The following PDS5A variants were observed in gnomAD, a reference collection of about 807,000 sequenced individuals.
PDS5A encodes sister chromatid cohesion protein PDS5 homolog A.
Under a neutral mutation model 167.1 loss-of-function variants are expected in PDS5A, and 42 were observed. That is an observed-to-expected ratio of 0.25 (90% confidence interval 0.20 to 0.33). The LOEUF (loss-of-function observed/expected upper bound fraction) is 0.33, where lower values mean the gene tolerates loss of function less well. Ranked by LOEUF, PDS5A falls within the 10% of genes least tolerant of loss-of-function variation. The pLI is 1.00. For synonymous variants in PDS5A, 553 were observed against 554.6 expected (o/e 1.00, Z 0.04); for missense variants, 1,033 against 1,605.9 (o/e 0.64, Z 6.10).
intron 2 of PDS5A, among the ~76,000 whole-genome samples, chr4:39,938,979 G>C (rs895812824): frequency 2.0e-5 from 3 of 151,168 alleles, no homozygotes; most frequent in Admixed American, 2.0e-4. Context: ...AAAAAAAAAA[G>C]CAATAATACA....
intron 32 of PDS5A, among the ~76,000 whole-genome samples, chr4:39,826,417 C>T (rs1715318937): frequency 6.6e-6 from 1 of 152,058 alleles, no homozygotes; most frequent in African/African-American, 2.4e-5. Context: ...TTGTCTGTGG[C>T]TGTTCAATTC....
intron 6 of PDS5A, among the ~76,000 whole-genome samples, chr4:39,920,917 A>T (rs542272437): frequency 3.2e-4 from 48 of 152,334 alleles, no homozygotes; most frequent in African/African-American, 1.0e-3. Context: ...CAAGAGTCCC[A>T]ATGTACTCAA....
At chr4:39,916,692 C>T (rs1401490848) in intron 8 of PDS5A, among the ~76,000 whole-genome samples, 1 of 151,876 alleles carries the variant, frequency 6.6e-6, no homozygotes, top group East Asian at 1.9e-4. Flanking sequence ...ATGGAGAATC[C>T]CCATCTCTAC....
chr4:39,839,688 A>G (rs1716769091), intron 31 of PDS5A, among the ~76,000 whole-genome samples: 1 of 146,998 alleles, frequency 6.8e-6, no homozygotes, highest in South Asian at 2.1e-4. Context: ...AATATCTAAA[A>G]TATTTGATGA....
chr4:39,869,299 C>T, intron 22 of PDS5A, 95 bp downstream of exon 22: 1 of 799,378 alleles, frequency 1.3e-6, no homozygotes, highest in South Asian at 1.4e-5. Context: ...AGCAAGATCC[C>T]ATCTCTGTTT....
chr4:39,882,246 A>C (rs1484093564), intron 17 of PDS5A, among the ~76,000 whole-genome samples: 1 of 152,246 alleles, frequency 6.6e-6, no homozygotes, highest in African/African-American at 2.4e-5. Context: ...CGTCTTAACT[A>C]GTACCTGTTC....
chr4:39,924,864 C>A (rs979103218), intron 5 of PDS5A, among the ~76,000 whole-genome samples: 3 of 152,190 alleles, frequency 2.0e-5, no homozygotes, highest in African/African-American at 4.8e-5. Context: ...GTAAACCCAG[C>A]ACTTTGGGAG....
In PDS5A at chr4:39,934,256, C is replaced by G. The variant is rs141569365; in HGVS notation, c.139-6092G>C. 3.4e-3 allele frequency among the ~76,000 whole-genome samples: 518 copies of G among 152,254 alleles called. 3 individuals are homozygous for G. Among genetic ancestry groups the G allele is most frequent in the Non-Finnish European group, 5.4e-3 (365 of 68,026 alleles). ...GTGGGCCAGCTATACGAAGTGTTCT[C>G]GGAGTCTAGTCCTGTAAGCCTGAAT... On this transcript the variant is annotated intron_variant, in intron 2 of 32. Coordinates refer to ENST00000303538, the MANE Select transcript of PDS5A (RefSeq NM_001100399.2).
At chr4:39,827,926 G>C (rs1416423887) in intron 32 of PDS5A, among the ~76,000 whole-genome samples, 2 of 152,118 alleles carry the variant, frequency 1.3e-5, no homozygotes, top group African/African-American at 2.4e-5. Context: ...AATCTATTCA[G>C]AACATATTTT....
At chr4:39,973,193 C>A in intron 2 of PDS5A, 1 of 1,197,004 alleles carries the variant, frequency 8.4e-7, no homozygotes, top group Non-Finnish European at 1.3e-6. Context: ...GCTTGGTGGG[C>A]TTGTAATATA....
rs181349200 is a variant in PDS5A at position 39,922,348 on chromosome 4, C to T, written c.654+274G>A. Among the ~76,000 whole-genome samples, 83 of 152,266 alleles carry T rather than the reference C, an allele frequency of 5.5e-4. 1 individual carries two copies. The South Asian group carries it at 8.3e-3, about 15-fold the overall frequency. On this transcript the variant is annotated intron_variant, in intron 6 of 32. Coordinates refer to ENST00000303538, the MANE Select transcript of PDS5A (RefSeq NM_001100399.2). ...GTTAACCAAAAGGCAACACCCCTAACCCCTTACAATTCTCAGATTATTTGT... is the reference window on the plus strand; with the variant it reads ...GTTAACCAAAAGGCAACACCCCTAATCCCTTACAATTCTCAGATTATTTGT...
At chr4:39,863,175 T>C (rs1237043221) in intron 24 of PDS5A, 102 bp from the exon 25 acceptor site, 1 of 971,080 alleles carries the variant, frequency 1.0e-6, no homozygotes, top group Admixed American at 2.4e-5. Context: ...GATAATTATA[T>C]GGGAGAATAA....
At chr4:39,856,443 A>C (rs1718531109) in intron 26 of PDS5A, among the ~76,000 whole-genome samples, 2 of 152,374 alleles carry the variant, frequency 1.3e-5, no homozygotes, top group South Asian at 4.1e-4. Flanking sequence ...AAATCTGGTG[A>C]AAGTAACCAT....
intron 2 of PDS5A, among the ~76,000 whole-genome samples, chr4:39,947,196 G>A (rs1727859283): frequency 6.6e-6 from 1 of 152,290 alleles, no homozygotes; most frequent in African/African-American, 2.4e-5. Context: ...GTTCACGCCT[G>A]TAATCCCAGC....
At chr4:39,857,719 CA>C (rs1718653130) in intron 26 of PDS5A, among the ~76,000 whole-genome samples, 2 of 151,930 alleles carry the variant, frequency 1.3e-5, no homozygotes, top group Non-Finnish European at 2.9e-5. Context: ...TAAATATATA[CA>C]AAACAAACAA....
Position 39,825,198 on chromosome 4 carries a change from T to G in PDS5A, c.*287A>C. 4 of 328,352 alleles carry G rather than the reference T, an allele frequency of 1.2e-5. No homozygotes were observed. Among genetic ancestry groups the G allele is most frequent in the Non-Finnish European group, 1.7e-5 (3 of 181,368 alleles). The allele number at this position is 328,352 out of a possible 1,614,324, so 20.3% of individuals were successfully genotyped here. On this transcript the variant is annotated 3_prime_UTR_variant, in exon 33 of 33. Coordinates refer to ENST00000303538, the MANE Select transcript of PDS5A (RefSeq NM_001100399.2). ...GATAGGCAGGAACTGGAACCAAGTG[T>G]TAAGCAATTTGCTTAATTATTGACT... is the stretch of plus-strand genomic sequence containing the variant.
At chr4:39,889,800 T>G (rs1721808301) in intron 17 of PDS5A, among the ~76,000 whole-genome samples, 1 of 152,222 alleles carries the variant, frequency 6.6e-6, no homozygotes, top group South Asian at 2.1e-4. Flanking sequence ...AGTAGACTTA[T>G]GTTTTGAAAC....
chr4:39,908,600 G>A lies in PDS5A; in HGVS notation c.1088-60C>T, dbSNP rs75960751. Reference sequence around the variant, plus strand: ...TAGCTATGTAATTTGTCATGATTTAGAATGGCAAGAACAGAAATATGTTAA... The same window carrying A: ...TAGCTATGTAATTTGTCATGATTTAAAATGGCAAGAACAGAAATATGTTAA... On this transcript the variant is annotated intron_variant, in intron 10 of 32. Coordinates refer to ENST00000303538, the MANE Select transcript of PDS5A (RefSeq NM_001100399.2). 2,184 of 1,020,282 alleles carry A rather than the reference G, an allele frequency of 2.1e-3. 53 individuals are homozygous for A. The East Asian group carries it at 0.047, about 22-fold the overall frequency. The allele number at this position is 1,020,282 out of a possible 1,614,324, so 63.2% of individuals were successfully genotyped here.
intron 17 of PDS5A, among the ~76,000 whole-genome samples, chr4:39,888,687 C>A (rs1293783772): frequency 3.7e-4 from 54 of 144,318 alleles, no homozygotes; most frequent in East Asian, 8.4e-4. Flanking sequence ...AAGCCAAGAA[C>A]AACAAAAAAA....
Sources: gnomAD v4.1 joint callset for allele counts (sites outside exome capture counted in the v4.1 genomes callset) on GRCh38, gnomAD v4.1.1 for gene constraint, MANE v1.5 for transcripts, NCBI Gene and HGNC (gene_info 2026-07-23, HGNC 2026-07-21) for gene names.